DNAJC1: variants seen among roughly 807,000 people sequenced by gnomAD.
The protein encoded by DNAJC1 is DnaJ heat shock protein family (Hsp40) member C1, also known as dnaJ homolog subfamily C member 1.
In DNAJC1, 58 loss-of-function variants were observed where a neutral mutation model predicts 76.6. That is an observed-to-expected ratio of 0.76 (90% confidence interval 0.61 to 0.94). DNAJC1 has a LOEUF of 0.94. DNAJC1 is among the 40% of genes least tolerant of loss of function. The pLI is 0.00. For missense variants in DNAJC1, 689 were observed against 677.3 expected, an observed-to-expected ratio of 1.02 and a Z score of -0.19; for synonymous variants, 258 against 267.9, an observed-to-expected ratio of 0.96 and a Z score of 0.36.
intron 8 of DNAJC1, among the ~76,000 whole-genome samples, chr10:21,827,377 T>C (rs562771329): frequency 1.3e-5 from 2 of 152,328 alleles, no homozygotes; most frequent in East Asian, 3.9e-4. Context: ...TGCAAGGTAG[T>C]ATTCCACTGT....
chr10:21,849,635 T>C (rs1835719587), intron 8 of DNAJC1, among the ~76,000 whole-genome samples: 1 of 152,060 alleles, frequency 6.6e-6, no homozygotes, highest in Non-Finnish European at 1.5e-5. Context: ...ATTACACTGA[T>C]TTCCAAGTCT....
At chr10:21,777,796 A>C (rs1298353856) in intron 9 of DNAJC1, among the ~76,000 whole-genome samples, 1 of 152,242 alleles carries the variant, frequency 6.6e-6, no homozygotes, top group Non-Finnish European at 1.5e-5. Flanking sequence ...CATCTGTAAC[A>C]AAAGTGATAA....
At chr10:21,805,846 T>G in intron 9 of DNAJC1, 134 bp downstream of exon 9, 1 of 1,120,956 alleles carries the variant, frequency 8.9e-7, no homozygotes, top group Non-Finnish European at 1.3e-6. Context: ...GCATTAATGG[T>G]TCACTTTCAG....
intron 1 of DNAJC1, among the ~76,000 whole-genome samples, chr10:21,964,241 G>GTC (rs1489938471): frequency 6.6e-6 from 1 of 151,964 alleles, no homozygotes; most frequent in Non-Finnish European, 1.5e-5. Flanking sequence ...TTTAGACAGG[G>GTC]TCTCACTCTG....
intron 8 of DNAJC1, among the ~76,000 whole-genome samples, chr10:21,836,342 G>T (rs964137178): frequency 2.6e-5 from 4 of 152,156 alleles, no homozygotes; most frequent in Admixed American, 6.5e-5. Flanking sequence ...AACATGGAAA[G>T]GAACAACCAG....
intron 8 of DNAJC1, among the ~76,000 whole-genome samples, chr10:21,816,779 T>C (rs1259774762): frequency 7.1e-6 from 1 of 141,590 alleles, no homozygotes; most frequent in Non-Finnish European, 1.5e-5. Flanking sequence ...TCTCCTGACC[T>C]CGTGATCCAC....
intron 1 of DNAJC1, among the ~76,000 whole-genome samples, chr10:21,984,093 T>C (rs187327618): frequency 6.6e-6 from 1 of 152,304 alleles, no homozygotes; most frequent in East Asian, 1.9e-4. Context: ...TGAAATTCTA[T>C]AGACAAAAAT....
At chr10:21,854,688 A>G (rs956210224) in intron 8 of DNAJC1, among the ~76,000 whole-genome samples, 14 of 152,184 alleles carry the variant, frequency 9.2e-5, no homozygotes, top group Non-Finnish European at 1.9e-4. Context: ...CATAGATGTG[A>G]TAAGATTCAA....
At chr10:21,906,118 T>C (rs1836741638) in intron 6 of DNAJC1, among the ~76,000 whole-genome samples, 1 of 152,162 alleles carries the variant, frequency 6.6e-6, no homozygotes, top group Non-Finnish European at 1.5e-5. Flanking sequence ...ATTGAATCAA[T>C]ACAATACAGA....
chr10:21,761,340 C>A (rs1281401604), intron 10 of DNAJC1, among the ~76,000 whole-genome samples: 2 of 152,014 alleles, frequency 1.3e-5, no homozygotes, highest in African/African-American at 4.8e-5. Flanking sequence ...AGGGGGGATC[C>A]CCTGAGGTCA....
At position 21,759,544 on chromosome 10, in the gene DNAJC1, C is replaced by T. The variant is rs374529288; in HGVS notation, c.1222G>A (p.Asp408Asn). 19 of 1,614,044 alleles carry T rather than the reference C, an allele frequency of 1.2e-5. No individual in the cohort carries two copies. The highest frequency in any genetic ancestry group is 9.3e-5 in the African/African-American group (7 of 74,920). The change falls in exon 11 of 12, where the codon GAT (aspartate) becomes AAT (asparagine). Residue 408 changes from aspartate to asparagine, a missense_variant. By Grantham distance (23) the Asp-to-Asn change is conservative. Coordinates refer to ENST00000376980, the MANE Select transcript of DNAJC1 (RefSeq NM_022365.4). ...TCCTCTCGCTGGGTGATCATGTCAT[C>T]GGGCAAGGTGGTGGCCGTTTTGATG... Reference protein sequence around the residue: ...RPIKTATTLPDDMITQREDAE... With the variant: ...RPIKTATTLPNDMITQREDAE...
At chr10:21,763,565 G>T (rs369961864) in intron 10 of DNAJC1, among the ~76,000 whole-genome samples, 696 of 127,090 alleles carry the variant, frequency 5.5e-3, no homozygotes, top group East Asian at 0.013. Flanking sequence ...TGTGCAGGTT[G>T]TTTTTTTTTT....
Position 21,756,592 on chromosome 10 carries a change from C to G in DNAJC1, c.*95G>C. 2 of 823,498 alleles carry G rather than the reference C, an allele frequency of 2.4e-6. No homozygotes were observed. The highest frequency in any genetic ancestry group is 2.9e-5 in the South Asian group (2 of 69,560). 51.0% of individuals were successfully genotyped at this position (823,498 alleles called of 1,614,324 possible). On this transcript the variant is annotated 3_prime_UTR_variant, in exon 12 of 12. Transcript: ENST00000376980. Reference sequence around the variant, plus strand: ...TATTTTTTTTTACTAAGGCACATGACGTAGAAATATTGAGGTACAAAATGC... The same window carrying G: ...TATTTTTTTTTACTAAGGCACATGAGGTAGAAATATTGAGGTACAAAATGC...
At chr10:21,946,049 CTTTTTTTTTT>C (rs71510915) in intron 1 of DNAJC1, among the ~76,000 whole-genome samples, 6 of 93,306 alleles carry the variant, frequency 6.4e-5, no homozygotes, top group East Asian at 3.2e-4. Flanking sequence ...TTCTTTTCCT[CTTTTTTTTTT>C]TTTTTTTTTT....
intron 6 of DNAJC1, among the ~76,000 whole-genome samples, chr10:21,910,426 T>A (rs1001530567): frequency 6.6e-6 from 1 of 152,152 alleles, no homozygotes; most frequent in Non-Finnish European, 1.5e-5. Context: ...ATTCTTGACA[T>A]AGTTCATTAA....
At chr10:21,999,451 CT>C (rs140026558) in intron 1 of DNAJC1, among the ~76,000 whole-genome samples, 1,340 of 93,930 alleles carry the variant, frequency 0.014, 4 homozygotes, top group African/African-American at 0.052. Context: ...CTTCTTGACT[CT>C]TTTTTTTTTT....
At chr10:21,937,604 A>G (rs1011891866) in intron 1 of DNAJC1, among the ~76,000 whole-genome samples, 16 of 152,218 alleles carry the variant, frequency 1.1e-4, no homozygotes, top group South Asian at 2.1e-4. Flanking sequence ...AACAGTATAA[A>G]CCAACTAGAC....
rs11435502 is a variant in DNAJC1, at chr10:21,941,268, C to CAAAAAAAAAAAA, written c.223-12139_223-12128dup. Among the ~76,000 whole-genome samples the CAAAAAAAAAAAA allele has an allele frequency of 4.6e-5, 2 of 43,632 alleles. 1 individual carries two copies. The highest frequency in any genetic ancestry group is 7.6e-5 in the Non-Finnish European group (2 of 26,440). 28.6% of individuals were successfully genotyped at this position (43,632 alleles called of 152,430 possible). A position where few individuals can be genotyped will look rare whatever the true frequency, so the allele number is the denominator to read the frequency against. The stretch of plus-strand genomic sequence containing the variant: ...TGGGCGACAGAGCAAGACACTGTCT[C>CAAAAAAAAAAAA]AAAAAAAAAAAAAAAAAAAAAAAAC... On this transcript the variant is annotated intron_variant, in intron 1 of 11. Transcript: ENST00000376980.
At chr10:21,916,394 C>T (rs908221384) in intron 6 of DNAJC1, among the ~76,000 whole-genome samples, 2 of 152,118 alleles carry the variant, frequency 1.3e-5, no homozygotes, top group African/African-American at 4.8e-5. Flanking sequence ...GAGGCTGAGG[C>T]AGGAGAATGG....
Sources: allele counts gnomAD v4.1 joint callset (sites outside exome capture counted in the v4.1 genomes callset), GRCh38; gene constraint gnomAD v4.1.1; transcripts MANE v1.5; gene names NCBI Gene and HGNC (gene_info 2026-07-23, HGNC 2026-07-21).